TAFA5: variants seen among roughly 807,000 people sequenced by gnomAD.
TAFA5 encodes TAFA chemokine like family member 5, also known as chemokine-like protein TAFA-5.
TAFA5 carries 6 observed loss-of-function variants against 15.3 expected under a neutral mutation model. That is an observed-to-expected ratio of 0.39 (90% CI 0.21 to 0.77). The LOEUF (loss-of-function observed/expected upper bound fraction) is 0.77, where lower values mean the gene tolerates loss of function less well. TAFA5 is among the 30% of genes least tolerant of loss of function. The pLI is 0.41. For missense variants in TAFA5, 161 were observed against 193.1 expected, an observed-to-expected ratio of 0.83 and a Z score of 0.98; for synonymous variants, 103 against 80.7, an observed-to-expected ratio of 1.28 and a Z score of -1.48.
At chr22:48,493,403 G>C (rs1457001563) in intron 1 of TAFA5, among the ~76,000 whole-genome samples, 1 of 152,182 alleles carries the variant, frequency 6.6e-6, no homozygotes, top group African/African-American at 2.4e-5. Context: ...GAATTGTTTT[G>C]AATCCATTAG....
chr22:48,687,186 A>T (rs918002948), intron 2 of TAFA5, among the ~76,000 whole-genome samples: 4 of 148,830 alleles, frequency 2.7e-5, no homozygotes, highest in African/African-American at 1.0e-4. Context: ...GAGTGGATTG[A>T]TGGATGGGAG....
At chr22:48,691,565 A>G (rs1488708122) in intron 2 of TAFA5, among the ~76,000 whole-genome samples, 1 of 152,234 alleles carries the variant, frequency 6.6e-6, no homozygotes, top group Non-Finnish European at 1.5e-5. Flanking sequence ...AGAGGCTCAC[A>G]GTCGCAGTGG....
chr22:48,561,508 C>T (rs1335359621), intron 1 of TAFA5, among the ~76,000 whole-genome samples: 3 of 152,186 alleles, frequency 2.0e-5, no homozygotes, highest in Non-Finnish European at 4.4e-5. Context: ...GGAGCCTGAC[C>T]TCTCTGTGGA....
intron 1 of TAFA5, among the ~76,000 whole-genome samples, chr22:48,518,784 G>A (rs142888662): frequency 1.1e-4 from 16 of 152,298 alleles, no homozygotes; most frequent in African/African-American, 3.9e-4. Context: ...CTGTGCCCAG[G>A]GTCACGCTGG....
intron 2 of TAFA5, among the ~76,000 whole-genome samples, chr22:48,659,091 G>A (rs548549339): frequency 9.2e-5 from 14 of 152,340 alleles, no homozygotes; most frequent in African/African-American, 2.2e-4. Flanking sequence ...AGGGCGCAGC[G>A]CCTTCTGGAC....
intron 3 of TAFA5, among the ~76,000 whole-genome samples, chr22:48,709,556 G>C (rs780844966): frequency 6.6e-6 from 1 of 152,192 alleles, no homozygotes; most frequent in Admixed American, 6.5e-5. Flanking sequence ...CCCTGAATTT[G>C]GGAGGGATGG....
chr22:48,489,770 G>C lies in TAFA5; in HGVS notation c.112+66G>C. On this transcript the variant is annotated intron_variant, in intron 1 of 3. Transcript: ENST00000402357. The surrounding 1 kb of genome is among the most constrained non-coding windows in gnomAD (Gnocchi z 5.5). ...GCCCCGGACCCCCTCCTCCGGCCCC[G>C]GCAGGCGCCCCGCGGGCCTCCCGGA... The C allele has an allele frequency of 9.5e-7, 1 of 1,051,052 alleles. No homozygotes were observed. Among genetic ancestry groups the C allele is most frequent in the Non-Finnish European group, 1.3e-6 (1 of 795,666 alleles). The allele number at this position is 1,051,052 out of a possible 1,614,324, so 65.1% of individuals were successfully genotyped here. A position where few individuals can be genotyped will look rare whatever the true frequency, so the allele number is the denominator to read the frequency against.
Position 48,599,949 on chromosome 22 carries a change from T to C in TAFA5, c.113-46648T>C, listed in dbSNP as rs377319937. Among the ~76,000 whole-genome samples the C allele has an allele frequency of 6.6e-5, 10 of 152,258 alleles. No individual in the cohort carries two copies. The East Asian group carries it at 1.9e-3, about 30-fold the overall frequency. Reference sequence around the variant, plus strand: ...GGGGCCGCTGGTCCAGCAGGAGCCTTCCTGCCTCGATTCCCTCTTGGCCTG... The same window carrying C: ...GGGGCCGCTGGTCCAGCAGGAGCCTCCCTGCCTCGATTCCCTCTTGGCCTG... On this transcript the variant is annotated intron_variant, in intron 1 of 3. Transcript: ENST00000402357.
chr22:48,618,565 G>A (rs1203932333), intron 1 of TAFA5, among the ~76,000 whole-genome samples: 1 of 152,316 alleles, frequency 6.6e-6, no homozygotes, highest in African/African-American at 2.4e-5. Context: ...CCGCAGCTCC[G>A]TCTGGGAAGT....
chr22:48,533,095 TG>T (rs1179879080), intron 1 of TAFA5, among the ~76,000 whole-genome samples: 1 of 152,246 alleles, frequency 6.6e-6, no homozygotes, highest in African/African-American at 2.4e-5. Context: ...AGTGTCCTTC[TG>T]GGAGCAGAGG....
chr22:48,531,698 G>A (rs535991763), intron 1 of TAFA5, among the ~76,000 whole-genome samples: 291 of 152,230 alleles, frequency 1.9e-3, no homozygotes, highest in Non-Finnish European at 3.7e-3. Context: ...TCAGTCTCGC[G>A]CCAGAGACCA....
At chr22:48,499,235 GGT>G (rs1920940492) in intron 1 of TAFA5, among the ~76,000 whole-genome samples, 1 of 152,206 alleles carries the variant, frequency 6.6e-6, no homozygotes, top group Admixed American at 6.5e-5. Flanking sequence ...TGCTGCCGAT[GGT>G]GATGAAGCCA....
At chr22:48,693,569 C>G (rs865810744) in intron 2 of TAFA5, among the ~76,000 whole-genome samples, 1 of 152,148 alleles carries the variant, frequency 6.6e-6, no homozygotes, top group African/African-American at 2.4e-5. Flanking sequence ...GAACTCTGTT[C>G]CCACCCCTGG....
intron 3 of TAFA5, among the ~76,000 whole-genome samples, chr22:48,718,553 C>T (rs956032980): frequency 1.3e-5 from 2 of 152,208 alleles, no homozygotes; most frequent in African/African-American, 2.4e-5. Context: ...TAGGAGCCTG[C>T]GGTTCATCTC....
At chr22:48,611,275 C>T (rs995603783) in intron 1 of TAFA5, among the ~76,000 whole-genome samples, 15 of 152,236 alleles carry the variant, frequency 9.9e-5, no homozygotes, top group South Asian at 2.1e-4. Flanking sequence ...CGGCAGACCG[C>T]GAAATACAGC....
At chr22:48,648,330 G>T (rs1004418529) in intron 2 of TAFA5, among the ~76,000 whole-genome samples, 13 of 152,160 alleles carry the variant, frequency 8.5e-5, no homozygotes, top group African/African-American at 2.9e-4. Context: ...CCCTGTGGGG[G>T]CTCCGGATGC....
At chr22:48,614,072 C>T (rs1463889442) in intron 1 of TAFA5, among the ~76,000 whole-genome samples, 3 of 152,238 alleles carry the variant, frequency 2.0e-5, no homozygotes, top group Non-Finnish European at 4.4e-5. Flanking sequence ...GCGGTCCTGA[C>T]CTCCCGGCCG....
chr22:48,505,542 G>T (rs1341689437), intron 1 of TAFA5, among the ~76,000 whole-genome samples: 3 of 152,230 alleles, frequency 2.0e-5, no homozygotes, highest in African/African-American at 7.2e-5. Context: ...AAGGCCTACT[G>T]CCCCAAGGGG....
At chr22:48,494,539 G>T (rs1448585871) in intron 1 of TAFA5, among the ~76,000 whole-genome samples, 2 of 152,162 alleles carry the variant, frequency 1.3e-5, no homozygotes, top group Non-Finnish European at 2.9e-5. Flanking sequence ...GGCCTGTGTT[G>T]GTGCAGATGC....
Sources: allele counts gnomAD v4.1 joint callset (sites outside exome capture counted in the v4.1 genomes callset), GRCh38; gene constraint gnomAD v4.1.1; non-coding constraint Gnocchi (gnomAD v3.1); transcripts MANE v1.5; gene names NCBI Gene and HGNC (gene_info 2026-07-23, HGNC 2026-07-21).